Variants in ADAM2 observed in about 807,000 individuals in gnomAD.
ADAM2 encodes disintegrin and metalloproteinase domain-containing protein 2.
In ADAM2, 101 loss-of-function variants were observed where a neutral mutation model predicts 99.3. The observed-to-expected ratio is 1.02, with a 90% CI of 0.87 to 1.20. The LOEUF is 1.20. Ranked by LOEUF, ADAM2 falls within the 50% of genes most tolerant of loss-of-function variation. The probability of loss-of-function intolerance (pLI) is 0.00; values close to 1 mark genes in which losing one functional copy is unlikely to be tolerated. For synonymous variants in ADAM2, 323 were observed against 287.6 expected (o/e 1.12, Z -1.25); for missense variants, 948 against 878.7 (o/e 1.08, Z -1.00).
Position 39,755,612 on chromosome 8 carries a change from T to C in ADAM2, c.1797+116A>G. ...TCACTTGAACCTGGGTGGCAGAGGT[T>C]GCAGTGAGCAGAGATCACACCACTG... On this transcript the variant is annotated intron_variant, in intron 16 of 20. Transcript: ENST00000265708. The C allele has an allele frequency of 1.0e-5, 7 of 691,452 alleles. No individual in the cohort carries two copies. The South Asian group carries it at 1.2e-4, about 12-fold the overall frequency. 42.8% of individuals were successfully genotyped at this position (691,452 alleles called of 1,614,324 possible). A position where few individuals can be genotyped will look rare whatever the true frequency, so the allele number is the denominator to read the frequency against.
intron 6 of ADAM2, among the ~76,000 whole-genome samples, chr8:39,813,325 C>A (rs185756373): frequency 2.6e-5 from 4 of 152,234 alleles, no homozygotes; most frequent in African/African-American, 9.6e-5. Flanking sequence ...GTTGGTGGGA[C>A]TATAAACTAG....
intron 6 of ADAM2, among the ~76,000 whole-genome samples, chr8:39,812,480 C>T (rs999170880): frequency 1.3e-4 from 20 of 152,196 alleles, no homozygotes; most frequent in African/African-American, 4.3e-4. Flanking sequence ...CAATCCTAAG[C>T]CAAAAGAACA....
intron 7 of ADAM2, among the ~76,000 whole-genome samples, chr8:39,794,931 T>C (rs772287805): frequency 6.6e-6 from 1 of 152,138 alleles, no homozygotes; most frequent in Non-Finnish European, 1.5e-5. Flanking sequence ...CAGCATTTTC[T>C]ACCTAGGTTT....
intron 2 of ADAM2, among the ~76,000 whole-genome samples, chr8:39,834,708 C>T (rs1285480164): frequency 1.6e-5 from 2 of 124,054 alleles, no homozygotes; most frequent in African/African-American, 6.5e-5. Flanking sequence ...GCCCTCCAGC[C>T]TGGGCGACAG....
rs58386097 is a variant in ADAM2 at position 39,760,882 on chromosome 8, C to CAAA, written c.1613+291_1613+293dup. The stretch of plus-strand genomic sequence containing the variant: ...TAGGCAACAGAGTGAGACTCCATCT[C>CAAA]AAAAAAAAAAAAAAAAAAAAAAAAA... On this transcript the variant is annotated intron_variant, in intron 15 of 20. Transcript: ENST00000265708. Among the ~76,000 whole-genome samples, 42 of 60,176 alleles carry CAAA rather than the reference C, an allele frequency of 7.0e-4. 2 individuals carry two copies. Among genetic ancestry groups the CAAA allele is most frequent in the Admixed American group, 1.3e-3 (5 of 3,908 alleles). 39.5% of individuals were successfully genotyped at this position (60,176 alleles called of 152,430 possible).
In ADAM2 at chr8:39,749,311, C is replaced by T. The variant is rs73676913; in HGVS notation, c.2014+1G>A. The stretch of plus-strand genomic sequence containing the variant: ...TTTTCTGATTTATTATTAATACTTA[C>T]CAGGGAGTCTGGCTGGTATAGCTAC... On this transcript the variant is annotated splice_donor_variant, in intron 18 of 20. Transcript: ENST00000265708. LOFTEE classifies it high-confidence loss of function. The T allele has an allele frequency of 1.2e-6, 2 of 1,606,146 alleles. No individual in the cohort carries two copies. The highest frequency in any genetic ancestry group is 8.5e-7 in the Non-Finnish European group (1 of 1,175,914).
intron 6 of ADAM2, among the ~76,000 whole-genome samples, chr8:39,819,806 G>C (rs1193893946): frequency 6.6e-6 from 1 of 151,886 alleles, no homozygotes; most frequent in African/African-American, 2.4e-5. Flanking sequence ...CCCTCTCTCT[G>C]TATGTACTCT....
Position 39,788,682 on chromosome 8 carries a change from C to A in ADAM2, c.629G>T (p.Gly210Val), listed in dbSNP as rs1384039342. 6.3e-6 allele frequency: 10 copies of A among 1,580,524 alleles called. No individual in the cohort carries two copies. In the South Asian group the frequency reaches 1.2e-4, roughly 18 times the overall value. ...VVAQKVFQLIGLTNAIFVSFN... is the reference protein window; with the variant it reads ...VVAQKVFQLIVLTNAIFVSFN... ...GCAAAGACTTACAGCATTCGTCAAT[C>A]CAATCAACTGGAAAACTTTTTGAGC... The change falls in exon 8 of 21, where the codon GGA (glycine) becomes GTA (valine). Residue 210 changes from glycine to valine, a missense_variant. Coordinates refer to ENST00000265708, the MANE Select transcript of ADAM2 (RefSeq NM_001464.5).
chr8:39,781,951 T>C (rs1009471484), intron 10 of ADAM2, among the ~76,000 whole-genome samples: 4 of 152,174 alleles, frequency 2.6e-5, no homozygotes, highest in African/African-American at 9.6e-5. Context: ...AAGGCACAAC[T>C]GTATTTATTT....
rs1264665698 is a variant in ADAM2 at position 39,821,652 on chromosome 8, T to C, written c.278A>G (p.His93Arg). The C allele has an allele frequency of 6.2e-7, 1 of 1,602,370 alleles. No homozygotes were observed. Among genetic ancestry groups the C allele is most frequent in the Non-Finnish European group, 8.5e-7 (1 of 1,170,144 alleles). The part of the protein sequence containing the change: ...PLDQDFQNFC[H>R]YQGYIEGYPK... ...ATAACCTTCAATATACCCTTGGTAG[T>C]GGCAGAAATTCTGAAAGATAAAATA... Residue 93 changes from histidine (H) to arginine (R), a missense_variant, in exon 5 of 21, where the codon CAC becomes CGC. Coordinates refer to ENST00000265708, the MANE Select transcript of ADAM2 (RefSeq NM_001464.5).
intron 7 of ADAM2, among the ~76,000 whole-genome samples, chr8:39,797,325 T>G (rs1004076686): frequency 1.4e-4 from 21 of 152,200 alleles, no homozygotes; most frequent in African/African-American, 3.9e-4. Flanking sequence ...TCATTGCTTG[T>G]TTTTGTCAGG....
Position 39,749,293 on chromosome 8 carries a change from A to T in ADAM2, c.2014+19T>A, listed in dbSNP as rs1346380730. ...CAAATTATGTTTTAATTATTTTCTG[A>T]TTTATTATTAATACTTACCAGGGAG... is the stretch of plus-strand genomic sequence containing the variant. On this transcript the variant is annotated intron_variant, in intron 18 of 20. Transcript: ENST00000265708. 1.9e-6 allele frequency: 3 copies of T among 1,574,422 alleles called. No homozygotes were observed. The highest frequency in any genetic ancestry group is 2.6e-6 in the Non-Finnish European group (3 of 1,162,636).
At position 39,819,062 on chromosome 8, in the gene ADAM2, C is replaced by T. The variant is rs1805067601; in HGVS notation, c.513+1940G>A. 2.6e-5 allele frequency among the ~76,000 whole-genome samples: 4 copies of T among 151,652 alleles called. No individual in the cohort carries two copies. The South Asian group carries it at 8.3e-4, about 32-fold the overall frequency. On this transcript the variant is annotated intron_variant, in intron 6 of 20. Coordinates refer to ENST00000265708, the MANE Select transcript of ADAM2 (RefSeq NM_001464.5). ...AATACGTTTGGAAATGCATAGTAGC[C>T]AGAATAACCAAAATAATCTTGGAAA...
intron 3 of ADAM2, among the ~76,000 whole-genome samples, chr8:39,828,827 C>T (rs1317547791): frequency 1.3e-5 from 2 of 151,726 alleles, no homozygotes; most frequent in African/African-American, 4.8e-5. Context: ...GTGCTGGGTC[C>T]ACTGGATGCT....
intron 11 of ADAM2, among the ~76,000 whole-genome samples, chr8:39,773,210 A>G (rs939945063): frequency 1.3e-5 from 2 of 151,956 alleles, no homozygotes; most frequent in Middle Eastern, 3.4e-3. Context: ...AAGAAATCAC[A>G]AAAAATTGAA....
chr8:39,789,108 A>C (rs1314740265), intron 7 of ADAM2, among the ~76,000 whole-genome samples: 1 of 151,632 alleles, frequency 6.6e-6, no homozygotes, highest in Non-Finnish European at 1.5e-5. Context: ...AATTCACCTA[A>C]AAGTAAAGGA....
At chr8:39,774,802 T>C (rs1459231640) in intron 11 of ADAM2, 1 of 152,092 alleles carries the variant, frequency 6.6e-6, no homozygotes, top group Admixed American at 6.6e-5. Context: ...ATAATCAACA[T>C]TGTAAACAGC....
intron 7 of ADAM2, among the ~76,000 whole-genome samples, chr8:39,806,459 A>C: frequency 1.3e-5 from 2 of 148,696 alleles, no homozygotes; most frequent in South Asian, 4.2e-4. Flanking sequence ...ATGACACATA[A>C]TAAAAAAAAA....
intron 16 of ADAM2, among the ~76,000 whole-genome samples, chr8:39,751,466 G>T (rs147806226): frequency 0.015 from 2,305 of 152,018 alleles, 56 homozygotes; most frequent in African/African-American, 0.053. Flanking sequence ...GTTTTTGTGG[G>T]TTTTTTTGTT....
Sources: gnomAD v4.1 joint callset for allele counts (sites outside exome capture counted in the v4.1 genomes callset) on GRCh38, gnomAD v4.1.1 for gene constraint, MANE v1.5 for transcripts, NCBI Gene and HGNC (gene_info 2026-07-23, HGNC 2026-07-21) for gene names.